KCNH8: variants seen among roughly 807,000 people sequenced by gnomAD.
The protein encoded by KCNH8 is voltage-gated delayed rectifier potassium channel KCNH8.
Under a neutral mutation model 103.6 loss-of-function variants are expected in KCNH8, and 70 were observed. The observed-to-expected ratio is 0.68, with a 90% CI of 0.56 to 0.82. The LOEUF (loss-of-function observed/expected upper bound fraction) is 0.82, where lower values mean the gene tolerates loss of function less well. Among genes scored for constraint, KCNH8 ranks in the 40% least tolerant of loss-of-function variants. The pLI is 0.00. For missense variants in KCNH8, 1,217 were observed against 1,329.9 expected, an observed-to-expected ratio of 0.92 and a Z score of 1.32; for synonymous variants, 498 against 489.4, an observed-to-expected ratio of 1.02 and a Z score of -0.23.
At chr3:19,446,114 AT>A (rs1472335686) in intron 8 of KCNH8, among the ~76,000 whole-genome samples, 1 of 152,052 alleles carries the variant, frequency 6.6e-6, no homozygotes, top group African/African-American at 2.4e-5. Flanking sequence ...ATATATAACT[AT>A]TTTTTGAAAT....
rs538592961 is a variant in KCNH8 at position 19,490,545 on chromosome 3, C to T, written c.2041-19818C>T. Among the ~76,000 whole-genome samples the T allele has an allele frequency of 3.3e-5, 5 of 152,262 alleles. No homozygotes were observed. In the East Asian group the frequency reaches 5.8e-4, roughly 18 times the overall value. ...GTCTGTAATCTATAGATAATATAAC[C>T]GATTAGGTCAGGGGTCGATCTTTAA... On this transcript the variant is annotated intron_variant, in intron 11 of 15. Coordinates refer to ENST00000328405, the MANE Select transcript of KCNH8 (RefSeq NM_144633.3).
chr3:19,338,627 T>C (rs935762687), intron 3 of KCNH8, among the ~76,000 whole-genome samples: 1 of 152,072 alleles, frequency 6.6e-6, no homozygotes, highest in African/African-American at 2.4e-5. Context: ...ATATTGTATT[T>C]TCTAGCCTCT....
At chr3:19,504,733 TA>T (rs2068657747) in intron 11 of KCNH8, among the ~76,000 whole-genome samples, 1 of 152,120 alleles carries the variant, frequency 6.6e-6, no homozygotes, top group African/African-American at 2.4e-5. Context: ...GGTGGGAGTG[TA>T]AATTAGTTCA....
intron 7 of KCNH8, among the ~76,000 whole-genome samples, chr3:19,396,973 TGA>T (rs1216659289): frequency 6.6e-6 from 1 of 151,998 alleles, no homozygotes; most frequent in East Asian, 1.9e-4. Context: ...TCGTCTGGTC[TGA>T]GAGTCTCCAG....
chr3:19,256,452 A>C (rs928883161), intron 2 of KCNH8, among the ~76,000 whole-genome samples: 2 of 152,140 alleles, frequency 1.3e-5, no homozygotes, highest in Non-Finnish European at 2.9e-5. Context: ...CTGAGATAAA[A>C]GAAAATGCAG....
chr3:19,528,783 C>T (rs760343984), intron 15 of KCNH8, among the ~76,000 whole-genome samples: 12 of 152,026 alleles, frequency 7.9e-5, no homozygotes, highest in Non-Finnish European at 1.6e-4. Context: ...TTTATTTTTA[C>T]ATTGAAGATT....
intron 5 of KCNH8, among the ~76,000 whole-genome samples, chr3:19,368,955 C>T (rs1358625189): frequency 6.6e-6 from 1 of 151,758 alleles, no homozygotes; most frequent in African/African-American, 2.4e-5. Context: ...GAAAAGACTC[C>T]CTTCTGGTTT....
At chr3:19,244,733 A>G (rs2064183086) in intron 1 of KCNH8, among the ~76,000 whole-genome samples, 1 of 151,556 alleles carries the variant, frequency 6.6e-6, no homozygotes, top group Non-Finnish European at 1.5e-5. Flanking sequence ...GATGATGAAT[A>G]TTTTTTCATA....
At chr3:19,417,602 G>A (rs1009925822) in intron 7 of KCNH8, among the ~76,000 whole-genome samples, 10 of 151,712 alleles carry the variant, frequency 6.6e-5, no homozygotes, top group Non-Finnish European at 1.3e-4. Flanking sequence ...AGAATTTTTC[G>A]GTTACCAGGA....
At chr3:19,484,481 G>A (rs966248540) in intron 11 of KCNH8, among the ~76,000 whole-genome samples, 2 of 152,186 alleles carry the variant, frequency 1.3e-5, no homozygotes, top group Admixed American at 6.5e-5. Flanking sequence ...TCAGCCGTGC[G>A]TAGACCAGTC....
chr3:19,285,701 TA>T (rs200066593), intron 3 of KCNH8, among the ~76,000 whole-genome samples: 4,869 of 133,086 alleles, frequency 0.037, 176 homozygotes, highest in East Asian at 0.096. Flanking sequence ...GTTGACATAG[TA>T]AAAAAAAAAA....
intron 5 of KCNH8, among the ~76,000 whole-genome samples, chr3:19,350,923 TAAC>T (rs2065792942): frequency 6.6e-6 from 1 of 151,226 alleles, no homozygotes; most frequent in African/African-American, 2.4e-5. Flanking sequence ...CAATCGGTAA[TAAC>T]AAACATCTCC....
chr3:19,515,895 C>T (rs76410070), intron 14 of KCNH8, among the ~76,000 whole-genome samples: 8,565 of 152,024 alleles, frequency 0.056, 255 homozygotes, highest in South Asian at 0.077. Flanking sequence ...TTGGAAATGA[C>T]GGAGAACTAT....
At chr3:19,413,152 A>G (rs1470514065) in intron 7 of KCNH8, among the ~76,000 whole-genome samples, 3 of 22,958 alleles carry the variant, frequency 1.3e-4, no homozygotes, top group African/African-American at 4.9e-4. Context: ...GGATAAAGAA[A>G]ATGTAGTAAA....
intron 7 of KCNH8, among the ~76,000 whole-genome samples, chr3:19,403,350 C>T (rs1389358663): frequency 8.2e-6 from 1 of 121,630 alleles, no homozygotes; most frequent in Non-Finnish European, 1.8e-5. Context: ...CCATGAAATA[C>T]ATATGTAAAG....
chr3:19,449,978 C>G, intron 8 of KCNH8, 128 bp from the exon 9 acceptor site: 1 of 710,400 alleles, frequency 1.4e-6, no homozygotes, highest in East Asian at 2.7e-5. Context: ...ACCAAAATAG[C>G]TGTATCAACA....
intron 5 of KCNH8, among the ~76,000 whole-genome samples, chr3:19,370,332 G>A (rs141751480): frequency 2.0e-4 from 30 of 152,092 alleles, no homozygotes; most frequent in African/African-American, 6.3e-4. Flanking sequence ...TACATATCAG[G>A]TGCTTCATAA....
intron 1 of KCNH8, among the ~76,000 whole-genome samples, chr3:19,168,861 A>T (rs1381614814): frequency 6.6e-6 from 1 of 152,198 alleles, no homozygotes; most frequent in Non-Finnish European, 1.5e-5. Context: ...TAAAAAAATT[A>T]AAATCCAAAG....
intron 7 of KCNH8, among the ~76,000 whole-genome samples, chr3:19,420,478 C>G (rs2066934489): frequency 6.6e-6 from 1 of 152,142 alleles, no homozygotes; most frequent in Non-Finnish European, 1.5e-5. Context: ...CTAATTTTAT[C>G]ATCTGCCCAT....
Sources: allele counts gnomAD v4.1 joint callset (sites outside exome capture counted in the v4.1 genomes callset), GRCh38; gene constraint gnomAD v4.1.1; transcripts MANE v1.5; gene names NCBI Gene and HGNC (gene_info 2026-07-23, HGNC 2026-07-21).